Variants in WDR89 observed in about 807,000 individuals in gnomAD.
The protein encoded by WDR89 is WD repeat-containing protein 89.
WDR89 carries 17 observed loss-of-function variants against 29.1 expected under a neutral mutation model. The observed-to-expected ratio is 0.58, with a 90% confidence interval of 0.40 to 0.88. The LOEUF (loss-of-function observed/expected upper bound fraction) is 0.88. Ranked by LOEUF, WDR89 falls within the 40% of genes least tolerant of loss-of-function variation. The probability of loss-of-function intolerance (pLI) is 0.00; values close to 1 mark genes in which losing one functional copy is unlikely to be tolerated. For synonymous variants in WDR89, 138 were observed against 157.8 expected, an observed-to-expected ratio of 0.87 and a Z score of 0.94; for missense variants, 396 against 456.3, an observed-to-expected ratio of 0.87 and a Z score of 1.20.
At chr14:63,617,076 GCT>G (rs1882360832) in intron 2 of WDR89, among the ~76,000 whole-genome samples, 1 of 130,336 alleles carries the variant, frequency 7.7e-6, no homozygotes, top group Non-Finnish European at 1.6e-5. Flanking sequence ...TTAATTACAA[GCT>G]TTTTTTTTTT....
chr14:63,635,248 AATCCAACAAC>A (rs750691303), intron 1 of WDR89, among the ~76,000 whole-genome samples: 37 of 152,216 alleles, frequency 2.4e-4, no homozygotes, highest in Non-Finnish European at 3.2e-4. Flanking sequence ...TAGCTAACTG[AATCCAACAAC>A]ATATCAAGAA....
chr14:63,627,148 ACACTCTCTCTCTCTCTCTCTCT>A (rs1883121106), intron 1 of WDR89, among the ~76,000 whole-genome samples: 1 of 128,294 alleles, frequency 7.8e-6, no homozygotes, highest in Admixed American at 8.3e-5. Context: ...ACACACACAC[ACACTCTCTCTCTCTCTCTCTCT>A]CTCTCTCTCT....
At chr14:63,614,253 A>G (rs983655380) in intron 2 of WDR89, among the ~76,000 whole-genome samples, 2 of 152,072 alleles carry the variant, frequency 1.3e-5, no homozygotes, top group Non-Finnish European at 2.9e-5. Flanking sequence ...CAAAAGCTTT[A>G]TACGAGACAT....
chr14:63,615,739 A>G (rs1882258648), intron 2 of WDR89, among the ~76,000 whole-genome samples: 1 of 152,162 alleles, frequency 6.6e-6, no homozygotes, highest in South Asian at 2.1e-4. Context: ...AGCCTGGCCA[A>G]CATGGCGAAA....
intron 2 of WDR89, among the ~76,000 whole-genome samples, chr14:63,605,027 A>G (rs1895244500): frequency 6.6e-6 from 1 of 152,052 alleles, no homozygotes; most frequent in Non-Finnish European, 1.5e-5. Flanking sequence ...GTGCACGCCT[A>G]TAGTCCCATC....
chr14:63,610,336 A>G (rs1416194711), intron 2 of WDR89, among the ~76,000 whole-genome samples: 1 of 152,126 alleles, frequency 6.6e-6, no homozygotes, highest in Admixed American at 6.6e-5. Flanking sequence ...GGGAGAAGGA[A>G]CAAATCTTCC....
chr14:63,601,727 A>G (rs964904574), intron 2 of WDR89: 17 of 1,521,574 alleles, frequency 1.1e-5, no homozygotes, highest in Non-Finnish European at 1.3e-5. Flanking sequence ...TTCTTCTCCC[A>G]TAACATGGAG....
Position 63,599,085 on chromosome 14 carries a change from T to C in WDR89, c.858A>G (p.Thr286=). ...YLIGGLYHEK[T]DTLHVIGGTN... is the part of the protein sequence containing the mutation. ...TTCCTCCAATAACATGCAATGTGTC[T>C]GTCTTTTCATGATATAGGCCACCAA... is the stretch of plus-strand genomic sequence containing the variant. The change falls in exon 3 of 3, where the codon ACA becomes ACG. Residue 286 remains threonine, a synonymous_variant. Transcript: ENST00000620954. 6.2e-7 allele frequency: 1 copy of C among 1,614,170 alleles called. No homozygotes were observed. Among genetic ancestry groups the C allele is most frequent in the Non-Finnish European group, 8.5e-7 (1 of 1,180,030 alleles).
intron 1 of WDR89, among the ~76,000 whole-genome samples, chr14:63,630,074 A>C (rs942124009): frequency 9.9e-5 from 15 of 151,988 alleles, no homozygotes; most frequent in Non-Finnish European, 1.5e-5. Flanking sequence ...CAACCTCCCA[A>C]GTAGCTGGGA....
chr14:63,610,227 A>AAAAAC (rs1280747385), intron 2 of WDR89, among the ~76,000 whole-genome samples: 2 of 150,856 alleles, frequency 1.3e-5, no homozygotes, highest in Admixed American at 6.6e-5. Flanking sequence ...CTTAAAAAAA[A>AAAAAC]AAAAAAAAAA....
chr14:63,633,712 C>T (rs1193720023), intron 1 of WDR89, among the ~76,000 whole-genome samples: 1 of 152,170 alleles, frequency 6.6e-6, no homozygotes, highest in East Asian at 1.9e-4. Flanking sequence ...TCAGAATCTA[C>T]TAAGTTCTAA....
At chr14:63,634,886 A>C (rs1566802095) in intron 1 of WDR89, among the ~76,000 whole-genome samples, 3 of 151,766 alleles carry the variant, frequency 2.0e-5, no homozygotes, top group African/African-American at 4.8e-5. Flanking sequence ...AAAAAAAAAA[A>C]AATTAGCTGG....
At chr14:63,641,308 T>G (rs1338359192) in intron 1 of WDR89, 1 of 152,208 alleles carries the variant, frequency 6.6e-6, no homozygotes, top group Non-Finnish European at 1.5e-5. Flanking sequence ...CCTCTTTAGA[T>G]AGCCATGTGG....
Position 63,640,256 on chromosome 14 carries a change from G to GA in WDR89, c.-138+1547dup, listed in dbSNP as rs749129194. ...TCCACAAGAAAGAATTTGAAAAGCA[G>GA]AAACAGTCACGTGGCTTTCATCGGT... On this transcript the variant is annotated intron_variant, in intron 1 of 2. Coordinates refer to ENST00000620954, the MANE Select transcript of WDR89 (RefSeq NM_080666.4). 2.6e-5 allele frequency among the ~76,000 whole-genome samples: 4 copies of GA among 152,168 alleles called. No homozygotes were observed. In the South Asian group the frequency reaches 8.3e-4, roughly 31 times the overall value.
chr14:63,602,876 C>CA (rs774446791), intron 2 of WDR89, among the ~76,000 whole-genome samples: 10 of 151,722 alleles, frequency 6.6e-5, no homozygotes, highest in Non-Finnish European at 1.2e-4. Flanking sequence ...CATCAAACAG[C>CA]AAAAAATATT....
Position 63,598,677 on chromosome 14 carries a change from G to T in WDR89, c.*102C>A. ...TTTTTCCAGGACTGTTTGCTAACTG[G>T]CTTGTTTTTACATAAAGCTTTAAAC... On this transcript the variant is annotated 3_prime_UTR_variant, in exon 3 of 3. Transcript: ENST00000620954. 2 of 1,062,134 alleles carry T rather than the reference G, an allele frequency of 1.9e-6. No homozygotes were observed. The highest frequency in any genetic ancestry group is 2.5e-6 in the Non-Finnish European group (2 of 786,318). The allele number at this position is 1,062,134 out of a possible 1,614,324, so 65.8% of individuals were successfully genotyped here.
chr14:63,606,382 T>C (rs1895322794), intron 2 of WDR89, among the ~76,000 whole-genome samples: 1 of 152,236 alleles, frequency 6.6e-6, no homozygotes, highest in African/African-American at 2.4e-5. Flanking sequence ...AATGTGTTTG[T>C]GTTTTAAGCT....
At chr14:63,600,574 C>G (rs1001812995) in intron 2 of WDR89, among the ~76,000 whole-genome samples, 2 of 151,510 alleles carry the variant, frequency 1.3e-5, no homozygotes, top group Non-Finnish European at 2.9e-5. Context: ...CATACGCCAC[C>G]CAGTAGTTCC....
chr14:63,636,351 T>C (rs1421443344), intron 1 of WDR89, among the ~76,000 whole-genome samples: 1 of 152,178 alleles, frequency 6.6e-6, no homozygotes, highest in African/African-American at 2.4e-5. Context: ...AAAAGCAATG[T>C]GCAAATTCAA....
Sources: gnomAD v4.1 joint callset for allele counts (sites outside exome capture counted in the v4.1 genomes callset) on GRCh38, gnomAD v4.1.1 for gene constraint, MANE v1.5 for transcripts, NCBI Gene and HGNC (gene_info 2026-07-23, HGNC 2026-07-21) for gene names.